SMCHD1: variants seen among roughly 807,000 people sequenced by gnomAD.
SMCHD1 encodes the protein structural maintenance of chromosomes flexible hinge domain-containing protein 1.
SMCHD1 carries 78 observed loss-of-function variants against 254.7 expected under a neutral mutation model. That is an observed-to-expected ratio of 0.31 (90% CI 0.26 to 0.37). The LOEUF is 0.37. SMCHD1 is among the 10% of genes least tolerant of loss of function. The pLI is 1.00. For synonymous variants in SMCHD1, 766 were observed against 794.9 expected, an observed-to-expected ratio of 0.96 and a Z score of 0.61; for missense variants, 1,840 against 2,408.1, an observed-to-expected ratio of 0.76 and a Z score of 4.94.
rs1292580884 is a variant in SMCHD1 at position 2,688,434 on chromosome 18, A to G, written c.679A>G (p.Ser227Gly). Residue 227 changes from serine to glycine, a missense_variant, in exon 6 of 48, where the codon AGT becomes GGT. Around this residue, in one of 9 missense-constraint regions of SMCHD1, gnomAD observed 498 missense variants for 743.5 expected, o/e 0.67. Transcript: ENST00000320876. ...TGTTCGTCCAGTACCAGTGCCACGC[A>G]GTTTAAATAGTGATATTTCCTATTT... is the stretch of plus-strand genomic sequence containing the variant. ...GYVRPVPVPR[S>G]LNSDISYFGV... 6.2e-7 allele frequency: 1 copy of G among 1,613,880 alleles called. No individual in the cohort carries two copies. The highest frequency in any genetic ancestry group is 8.5e-7 in the Non-Finnish European group (1 of 1,179,762).
At chr18:2,778,530 G>T (rs766287615) in intron 44 of SMCHD1, among the ~76,000 whole-genome samples, 2 of 152,170 alleles carry the variant, frequency 1.3e-5, no homozygotes, top group Non-Finnish European at 1.5e-5. Context: ...GTAGCCCTTT[G>T]TATTGGTTTT....
intron 5 of SMCHD1, among the ~76,000 whole-genome samples, chr18:2,681,429 A>T (rs1185901791): frequency 6.8e-6 from 1 of 146,898 alleles, no homozygotes; most frequent in Non-Finnish European, 1.5e-5. Flanking sequence ...AAAAAAAAAA[A>T]GGAAAATTAG....
Position 2,656,120 on chromosome 18 carries a change from G to A in SMCHD1, c.45G>A (p.Gly15=), listed in dbSNP as rs756352980. The A allele has an allele frequency of 1.6e-5, 24 of 1,478,322 alleles. No homozygotes were observed. The highest frequency in any genetic ancestry group is 1.9e-5 in the Non-Finnish European group (21 of 1,116,286). 91.6% of individuals were successfully genotyped at this position (1,478,322 alleles called of 1,614,324 possible). The change falls in exon 1 of 48, where the codon GGG becomes GGA. Residue 15 remains glycine, a synonymous_variant. Transcript: ENST00000320876. ...DGGGPGGASV[G]TEEDGGGVGH... ...GCGGGCCTGGTGGGGCCTCTGTGGG[G>A]ACTGAGGAGGATGGCGGAGGCGTCG...
intron 41 of SMCHD1, 72 bp from the exon 42 acceptor site, chr18:2,775,662 G>A (rs945970410): frequency 5.3e-6 from 7 of 1,317,488 alleles, no homozygotes; most frequent in Admixed American, 2.6e-5. Context: ...ACCTAGGCTT[G>A]GGCTTTTAAC....
chr18:2,762,339 T>G (rs2075800564), intron 36 of SMCHD1, 103 bp downstream of exon 36: 3 of 1,111,304 alleles, frequency 2.7e-6, no homozygotes, highest in South Asian at 3.0e-5. Context: ...TTACTCTGAT[T>G]AAGGTTATAG....
At chr18:2,704,608 T>A (rs1226088982) in intron 13 of SMCHD1, among the ~76,000 whole-genome samples, 1 of 151,410 alleles carries the variant, frequency 6.6e-6, no homozygotes. Context: ...GAGAGGATTT[T>A]TTTTTTTTTT....
At chr18:2,715,898 A>T (rs999142491) in intron 17 of SMCHD1, among the ~76,000 whole-genome samples, 2 of 152,108 alleles carry the variant, frequency 1.3e-5, no homozygotes, top group Admixed American at 1.3e-4. Flanking sequence ...TGATATTTCA[A>T]AGATTTCTTT....
intron 47 of SMCHD1, among the ~76,000 whole-genome samples, chr18:2,801,689 T>C (rs1216478677): frequency 1.3e-5 from 2 of 152,186 alleles, no homozygotes; most frequent in Non-Finnish European, 2.9e-5. Flanking sequence ...TACATATGTA[T>C]ACTGAATATA....
intron 5 of SMCHD1, among the ~76,000 whole-genome samples, chr18:2,680,834 A>G (rs1057499875): frequency 6.6e-6 from 1 of 152,112 alleles, no homozygotes; most frequent in Admixed American, 6.5e-5. Flanking sequence ...TGATTTTGAC[A>G]GTTTTTTCAG....
At chr18:2,708,619 T>C (rs971528877) in intron 17 of SMCHD1, among the ~76,000 whole-genome samples, 1 of 664 alleles carries the variant, frequency 1.5e-3, no homozygotes, top group African/African-American at 1.7e-3. Flanking sequence ...CCTTCCTGCT[T>C]TTTTTTTTTT....
chr18:2,663,778 G>A (rs1043458135), intron 1 of SMCHD1, among the ~76,000 whole-genome samples: 2 of 151,222 alleles, frequency 1.3e-5, no homozygotes, highest in African/African-American at 4.9e-5. Context: ...GCAGTGGCGC[G>A]ATCTCACCTT....
Position 2,706,357 on chromosome 18 carries a change from T to C in SMCHD1, c.1957-7T>C, listed in dbSNP as rs1240709921. On this transcript the variant is annotated splice_polypyrimidine_tract_variant and splice_region_variant and intron_variant, in intron 14 of 47. Coordinates refer to ENST00000320876, the MANE Select transcript of SMCHD1 (RefSeq NM_015295.3). ...TCTTTGAAATGTTGGTAAATGTATT[T>C]ATTCAGGAACCTCAGGCACTATATG... The C allele has an allele frequency of 6.5e-7, 1 of 1,535,448 alleles. No homozygotes were observed.
At chr18:2,680,414 G>T (rs2073898299) in intron 5 of SMCHD1, among the ~76,000 whole-genome samples, 2 of 152,174 alleles carry the variant, frequency 1.3e-5, no homozygotes, top group Non-Finnish European at 2.9e-5. Context: ...TTTCTGATTA[G>T]TTAGCTTTGT....
chr18:2,712,686 A>G (rs1255689808), intron 17 of SMCHD1, among the ~76,000 whole-genome samples: 3 of 152,200 alleles, frequency 2.0e-5, no homozygotes, highest in Non-Finnish European at 2.9e-5. Context: ...CCGAGTCATC[A>G]TGGTCTCTCA....
At chr18:2,675,606 T>C (rs1283762747) in intron 5 of SMCHD1, among the ~76,000 whole-genome samples, 1 of 152,132 alleles carries the variant, frequency 6.6e-6, no homozygotes, top group East Asian at 1.9e-4. Context: ...TTCATAAATA[T>C]GTGGCATTTA....
intron 1 of SMCHD1, among the ~76,000 whole-genome samples, chr18:2,663,916 C>T (rs936045722): frequency 6.6e-6 from 1 of 152,058 alleles, no homozygotes; most frequent in African/African-American, 2.4e-5. Flanking sequence ...GGGGTTTCAC[C>T]GTGTTAGCCA....
At chr18:2,761,352 A>G (rs988601238) in intron 35 of SMCHD1, among the ~76,000 whole-genome samples, 5 of 152,146 alleles carry the variant, frequency 3.3e-5, no homozygotes, top group South Asian at 4.1e-4. Flanking sequence ...TAGAAGCCCA[A>G]ACCTCAGCAT....
intron 10 of SMCHD1, 58 bp from the exon 11 acceptor site, chr18:2,700,481 T>C (rs2143180678): frequency 6.6e-7 from 1 of 1,508,612 alleles, no homozygotes; most frequent in East Asian, 2.3e-5. Flanking sequence ...TGTGTTTGTT[T>C]CATTATTTCT....
rs550758656 is a variant in SMCHD1 at position 2,773,937 on chromosome 18, A to G, written c.5175+1565A>G. Among the ~76,000 whole-genome samples, 15 of 152,270 alleles carry G rather than the reference A, an allele frequency of 9.9e-5. No homozygotes were observed. In the South Asian group the frequency reaches 3.1e-3, roughly 32 times the overall value. On this transcript the variant is annotated intron_variant, in intron 41 of 47. Transcript: ENST00000320876. The stretch of plus-strand genomic sequence containing the variant: ...GACTCTGTCTCAAAAAAATAAAAAA[A>G]CCCTAGAATAAATAATCGTAGAAAT...
Sources: gnomAD v4.1 joint callset for allele counts (sites outside exome capture counted in the v4.1 genomes callset) on GRCh38, gnomAD v4.1.1 for gene constraint, gnomAD v4.1.1 regional missense constraint, MANE v1.5 for transcripts, NCBI Gene and HGNC (gene_info 2026-07-23, HGNC 2026-07-21) for gene names.